The following CDH8 variants were observed in gnomAD, a reference collection of about 807,000 sequenced individuals.
CDH8 encodes cadherin 8.
Under a neutral mutation model 68.1 loss-of-function variants are expected in CDH8, and 17 were observed. That is an observed-to-expected ratio of 0.25 (90% CI 0.17 to 0.37). The LOEUF (loss-of-function observed/expected upper bound fraction) is 0.37, where lower values mean the gene tolerates loss of function less well. Ranked by LOEUF, CDH8 falls within the 10% of genes least tolerant of loss-of-function variation. The pLI, the probability that CDH8 is intolerant of heterozygous loss-of-function variation, is 1.00. For missense variants in CDH8, 763 were observed against 999.3 expected, an observed-to-expected ratio of 0.76 and a Z score of 3.19; for synonymous variants, 372 against 365.1, an observed-to-expected ratio of 1.02 and a Z score of -0.21.
Position 61,652,807 on chromosome 16 carries a change from C to A in CDH8, c.*801G>T. Reference sequence around the variant, plus strand: ...TAAATTCACGCGCTAGCAATAAAACCATCTGTCTCTTATGTAGTCCACTGT... The same window carrying A: ...TAAATTCACGCGCTAGCAATAAAACAATCTGTCTCTTATGTAGTCCACTGT... On this transcript the variant is annotated 3_prime_UTR_variant, in exon 12 of 12. Transcript: ENST00000577390. 1 of 1,380,278 alleles carries A rather than the reference C, an allele frequency of 7.2e-7. No individual in the cohort carries two copies. Among genetic ancestry groups the A allele is most frequent in the South Asian group, 1.8e-5 (1 of 56,668 alleles). The allele number at this position is 1,380,278 out of a possible 1,614,324, so 85.5% of individuals were successfully genotyped here.
chr16:61,853,410 G>T (rs1372076227), intron 4 of CDH8, among the ~76,000 whole-genome samples: 1 of 152,104 alleles, frequency 6.6e-6, no homozygotes, highest in Non-Finnish European at 1.5e-5. Context: ...GCTGACAGTG[G>T]TCAATGGACA....
intron 2 of CDH8, among the ~76,000 whole-genome samples, chr16:61,965,260 G>T (rs9935561): frequency 0.47 from 71,746 of 151,766 alleles, 17,902 homozygotes; most frequent in East Asian, 0.84. Context: ...TCAGCACCTG[G>T]TTTGTTTTAT....
intron 2 of CDH8, among the ~76,000 whole-genome samples, chr16:61,998,048 C>T (rs1965835172): frequency 6.6e-6 from 1 of 152,052 alleles, no homozygotes; most frequent in Admixed American, 6.5e-5. Context: ...GCCAATGCTA[C>T]ATTTCCAGAT....
chr16:61,706,607 C>A (rs1195038949), intron 10 of CDH8, among the ~76,000 whole-genome samples: 4 of 94,834 alleles, frequency 4.2e-5, no homozygotes, highest in African/African-American at 1.3e-4. Flanking sequence ...GGCACCAGAG[C>A]AAGACTCTGT....
chr16:61,851,660 A>C (rs1286819107), intron 4 of CDH8, among the ~76,000 whole-genome samples: 1 of 143,256 alleles, frequency 7.0e-6, no homozygotes, highest in Non-Finnish European at 1.6e-5. Context: ...AGGGGAAAAC[A>C]AAAAAAAAAC....
chr16:61,714,086 T>C (rs1964678451), intron 9 of CDH8, 128 bp from the exon 10 acceptor site: 3 of 705,738 alleles, frequency 4.3e-6, no homozygotes, highest in Non-Finnish European at 7.6e-6. Flanking sequence ...GCTTTCTAAA[T>C]TGTCATGGAT....
chr16:62,000,317 A>G (rs1965874380), intron 2 of CDH8, among the ~76,000 whole-genome samples: 2 of 152,202 alleles, frequency 1.3e-5, no homozygotes. Flanking sequence ...GTATATACCC[A>G]GTAATGAGAT....
chr16:61,919,399 A>G lies in CDH8; in HGVS notation c.253-17926T>C, dbSNP rs1428817609. 4.1e-5 allele frequency among the ~76,000 whole-genome samples: 6 copies of G among 147,182 alleles called. 1 individual carries two copies. The highest frequency in any genetic ancestry group is 1.5e-4 in the African/African-American group (6 of 39,626). On this transcript the variant is annotated intron_variant, in intron 2 of 11. Coordinates refer to ENST00000577390, the MANE Select transcript of CDH8 (RefSeq NM_001796.5). ...GGGAGGACATTCAAACCAAAGGCAA[A>G]GAAGTTGGAAACTTTGAAAAAAATT... is the stretch of plus-strand genomic sequence containing the variant.
chr16:61,928,139 C>CTGTA (rs1196729225), intron 2 of CDH8, among the ~76,000 whole-genome samples: 2 of 152,122 alleles, frequency 1.3e-5, no homozygotes, highest in African/African-American at 4.8e-5. Flanking sequence ...ACCTACTGTA[C>CTGTA]CACTAACAGA....
intron 7 of CDH8, among the ~76,000 whole-genome samples, chr16:61,790,313 G>A (rs144568539): frequency 7.0e-4 from 106 of 151,998 alleles, no homozygotes; most frequent in Admixed American, 1.8e-3. Flanking sequence ...TTATTCTCAC[G>A]ACATTTATTA....
At chr16:61,862,968 T>C (rs982973586) in intron 3 of CDH8, among the ~76,000 whole-genome samples, 6 of 152,142 alleles carry the variant, frequency 3.9e-5, no homozygotes, top group Non-Finnish European at 8.8e-5. Context: ...CTAGTGACTA[T>C]AAATTTGACA....
chr16:61,717,323 T>C (rs1964750271), intron 9 of CDH8, among the ~76,000 whole-genome samples: 1 of 151,536 alleles, frequency 6.6e-6, no homozygotes, highest in Non-Finnish European at 1.5e-5. Flanking sequence ...TCCAGAACCA[T>C]GCTTGGATTT....
At chr16:61,833,393 G>T (rs1471244240) in intron 4 of CDH8, among the ~76,000 whole-genome samples, 1 of 151,604 alleles carries the variant, frequency 6.6e-6, no homozygotes. Context: ...CTTTATAAAT[G>T]TATACACACA....
intron 10 of CDH8, among the ~76,000 whole-genome samples, chr16:61,689,985 G>A (rs1300337611): frequency 4.6e-5 from 7 of 151,958 alleles, no homozygotes; most frequent in Non-Finnish European, 1.0e-4. Context: ...TTTCACCTCA[G>A]TTAACCAGTT....
At chr16:61,773,442 A>T (rs1960828627) in intron 8 of CDH8, among the ~76,000 whole-genome samples, 1 of 152,140 alleles carries the variant, frequency 6.6e-6, no homozygotes, top group Non-Finnish European at 1.5e-5. Context: ...AAGTTACAGA[A>T]ATAAGCTGAA....
chr16:61,746,702 C>T (rs4494526), intron 8 of CDH8, among the ~76,000 whole-genome samples: 50,969 of 151,606 alleles, frequency 0.34, 8,861 homozygotes, highest in Middle Eastern at 0.47. Context: ...TCTAATCCTC[C>T]GTGAGTTCAA....
chr16:61,705,640 A>G (rs1964513552), intron 10 of CDH8, among the ~76,000 whole-genome samples: 1 of 152,170 alleles, frequency 6.6e-6, no homozygotes, highest in Non-Finnish European at 1.5e-5. Flanking sequence ...GCACATCACC[A>G]TTCTGACCAG....
At chr16:61,944,860 G>A (rs148573989) in intron 2 of CDH8, among the ~76,000 whole-genome samples, 216 of 152,182 alleles carry the variant, frequency 1.4e-3, no homozygotes, top group Non-Finnish European at 2.2e-3. Context: ...CAAGTTCAAG[G>A]ATGTCTGTCA....
At chr16:61,961,541 G>A (rs1311976591) in intron 2 of CDH8, among the ~76,000 whole-genome samples, 1 of 152,024 alleles carries the variant, frequency 6.6e-6, no homozygotes, top group African/African-American at 2.4e-5. Context: ...CTTGTCTCAG[G>A]GAAAGAGCTT....
Sources: gnomAD v4.1 joint callset for allele counts (sites outside exome capture counted in the v4.1 genomes callset) on GRCh38, gnomAD v4.1.1 for gene constraint, MANE v1.5 for transcripts, NCBI Gene and HGNC (gene_info 2026-07-23, HGNC 2026-07-21) for gene names.